Variants in NPVF observed in about 807,000 individuals in gnomAD.
The protein encoded by NPVF is pro-FMRFamide-related neuropeptide VF.
A neutral mutation model predicts 15.7 loss-of-function variants in NPVF; 17 were observed. That is an observed-to-expected ratio of 1.08 (90% CI 0.74 to 1.62). The LOEUF is 1.62. Among genes scored for constraint, NPVF ranks in the 40% most tolerant of loss-of-function variants. The pLI is 0.00. For synonymous variants in NPVF, 70 were observed against 80.1 expected, an observed-to-expected ratio of 0.87 and a Z score of 0.67; for missense variants, 270 against 225.2, an observed-to-expected ratio of 1.20 and a Z score of -1.27.
chr7:25,228,387 C>A lies in NPVF; in HGVS notation c.53G>T (p.Ser18Ile). ...ACAAAAAATGTTTGATGTTAACAAG[C>A]TTGAAGTGGCTAAAGTCAATAAAAT... ...LFILLTLATS[S>I]LLTSNIFCAD... The change falls in exon 1 of 3, where the codon AGC becomes ATC. Residue 18 changes from serine (S) to isoleucine (I), a missense_variant. By Grantham distance (142) the Ser-to-Ile change is moderately radical. Coordinates refer to ENST00000222674, the MANE Select transcript of NPVF (RefSeq NM_022150.3). The A allele has an allele frequency of 6.3e-7, 1 of 1,581,334 alleles. No homozygotes were observed. The highest frequency in any genetic ancestry group is 8.7e-7 in the Non-Finnish European group (1 of 1,151,098).
intron 2 of NPVF, among the ~76,000 whole-genome samples, chr7:25,226,384 T>A (rs113025880): frequency 0.015 from 2,343 of 152,302 alleles, 54 homozygotes; most frequent in African/African-American, 0.054. Flanking sequence ...AGGAGATTGA[T>A]GCTTATATGT....
Position 25,228,446 on chromosome 7 carries a change from TA to T in NPVF, c.-8del. 1 of 1,578,852 alleles carries T rather than the reference TA, an allele frequency of 6.3e-7. No individual in the cohort carries two copies. The highest frequency in any genetic ancestry group is 8.7e-7 in the Non-Finnish European group (1 of 1,153,894). On this transcript the variant is annotated 5_prime_UTR_variant, in exon 1 of 3. Transcript: ENST00000222674. The stretch of plus-strand genomic sequence containing the variant: ...TTGATGAAATAATTTCCATTTTGTC[TA>T]AATCTAAAATTAAGTCTCTATGTGC...
At position 25,225,164 on chromosome 7, in the gene NPVF, T is replaced by C. The variant is rs1783109549; in HGVS notation, c.549A>G (p.Leu183=). ...NPDQKQSRRL[L]FKKIDDAELK... is the part of the protein sequence containing the mutation. ...ATTCTGCATCATCTATTTTCTTGAA[T>C]AGCAGTCTCCTAAAATGTAAGCAGT... The change falls in exon 3 of 3, where the codon CTA becomes CTG. Residue 183 remains leucine (L), a synonymous_variant. Transcript: ENST00000222674. 3 of 1,606,106 alleles carry C rather than the reference T, an allele frequency of 1.9e-6. No individual in the cohort carries two copies. Among genetic ancestry groups the C allele is most frequent in the Non-Finnish European group, 1.7e-6 (2 of 1,173,118 alleles).
In NPVF at chr7:25,228,480, T is replaced by A. The variant is rs768459569; in HGVS notation, c.-41A>T. The A allele has an allele frequency of 8.9e-6, 13 of 1,462,652 alleles. No homozygotes were observed. The South Asian group carries it at 1.5e-4, about 17-fold the overall frequency. 90.6% of individuals were successfully genotyped at this position (1,462,652 alleles called of 1,614,324 possible). A position where few individuals can be genotyped will look rare whatever the true frequency, so the allele number is the denominator to read the frequency against. ...AATTAAGTCTCTATGTGCAGCCCAA[T>A]GTTTATGAGAGGAGAAAAAAATTGT... On this transcript the variant is annotated 5_prime_UTR_variant, in exon 1 of 3. Transcript: ENST00000222674.
intron 2 of NPVF, among the ~76,000 whole-genome samples, chr7:25,226,361 C>A (rs1783128623): frequency 6.6e-6 from 1 of 152,152 alleles, no homozygotes. Context: ...ACTTAGTGAG[C>A]AGCTATAGGA....
Position 25,226,642 on chromosome 7 carries a change from C to G in NPVF, c.523G>C (p.Asp175His), listed in dbSNP as rs554402259. 1.9e-6 allele frequency: 3 copies of G among 1,613,190 alleles called. No homozygotes were observed. In the African/African-American group the frequency reaches 4.0e-5, roughly 22 times the overall value. Reference protein sequence around the residue: ...TCQHQEIQNPDQKQSRRLLFK... With the variant: ...TCQHQEIQNPHQKQSRRLLFK... ...GGTATTTACCTTGACTGTTTTTGAT[C>G]GGGATTCTGGATTTCTTGGTGCTGG... Residue 175 changes from aspartate to histidine, a missense_variant, in exon 2 of 3, where the codon GAT (aspartate) becomes CAT (histidine). Transcript: ENST00000222674.
At position 25,227,772 on chromosome 7, in the gene NPVF, T is replaced by A. The variant is rs150148679; in HGVS notation, c.138+530A>T. ...AATTTTTAAATGATTGTTTTCTGATTATCCCTTGAGTAAAATGAGTATACA... is the reference window on the plus strand; with the variant it reads ...AATTTTTAAATGATTGTTTTCTGATAATCCCTTGAGTAAAATGAGTATACA... On this transcript the variant is annotated intron_variant, in intron 1 of 2. Coordinates refer to ENST00000222674, the MANE Select transcript of NPVF (RefSeq NM_022150.3). 2.9e-3 allele frequency among the ~76,000 whole-genome samples: 447 copies of A among 152,342 alleles called. 2 individuals are homozygous for A. Among genetic ancestry groups the A allele is most frequent in the African/African-American group, 0.011 (439 of 41,570 alleles).
At position 25,224,807 on chromosome 7, in the gene NPVF, A is replaced by T. The variant is rs146193251; in HGVS notation, c.*315T>A. On this transcript the variant is annotated 3_prime_UTR_variant, in exon 3 of 3. Coordinates refer to ENST00000222674, the MANE Select transcript of NPVF (RefSeq NM_022150.3). ...CTCTTCTGTTTAATTTTTTTTATTA[A>T]GTGTAACTGTGCCAATGATTTTTAT... 0.012 allele frequency: 3,040 copies of T among 263,534 alleles called. 100 individuals carry two copies. Among genetic ancestry groups the T allele is most frequent in the African/African-American group, 0.062 (2,822 of 45,358 alleles). 16.3% of individuals were successfully genotyped at this position (263,534 alleles called of 1,614,324 possible).
intron 2 of NPVF, 118 bp from the exon 3 acceptor site, chr7:25,225,291 A>C: frequency 3.9e-6 from 3 of 771,104 alleles, no homozygotes; most frequent in Non-Finnish European, 6.5e-6. Context: ...ATTGTGTTGC[A>C]CTTGAAATGA....
rs1185503690 is a variant in NPVF at position 25,224,875 on chromosome 7, A to G, written c.*247T>C. Reference sequence around the variant, plus strand: ...GTCCTCTGTCTCTCTCTCCATTATCAGAGATTTCTAAAGCATTTGCAATGC... The same window carrying G: ...GTCCTCTGTCTCTCTCTCCATTATCGGAGATTTCTAAAGCATTTGCAATGC... On this transcript the variant is annotated 3_prime_UTR_variant, in exon 3 of 3. Coordinates refer to ENST00000222674, the MANE Select transcript of NPVF (RefSeq NM_022150.3). 1 of 463,912 alleles carries G rather than the reference A, an allele frequency of 2.2e-6. No homozygotes were observed. The highest frequency in any genetic ancestry group is 3.7e-5 in the East Asian group (1 of 27,114). The allele number at this position is 463,912 out of a possible 1,614,324, so 28.7% of individuals were successfully genotyped here.
Position 25,226,980 on chromosome 7 carries a change from A to G in NPVF, c.185T>C (p.Leu62Ser). The G allele has an allele frequency of 6.2e-7, 1 of 1,613,782 alleles. No individual in the cohort carries two copies. The highest frequency in any genetic ancestry group is 8.5e-7 in the Non-Finnish European group (1 of 1,179,820). ...AACATTTTTTGGTCCCCAATCTTTT[A>G]ATTCCTCAAAATTGAGGCTTCTTTC... Reference protein sequence around the residue: ...KGERSLNFEELKDWGPKNVIK... With the variant: ...KGERSLNFEESKDWGPKNVIK... The change falls in exon 2 of 3, where the codon TTA becomes TCA. Residue 62 changes from leucine (L) to serine (S), a missense_variant. Physicochemically the swap from Leu to Ser is moderately radical, Grantham distance 145. Coordinates refer to ENST00000222674, the MANE Select transcript of NPVF (RefSeq NM_022150.3).
chr7:25,226,490 G>T, intron 2 of NPVF, 136 bp downstream of exon 2: 2 of 1,006,074 alleles, frequency 2.0e-6, no homozygotes, highest in Non-Finnish European at 2.9e-6. Flanking sequence ...TTAGTTCCTT[G>T]TGTCTTTGCC....
At chr7:25,226,390 T>C (rs913619810) in intron 2 of NPVF, among the ~76,000 whole-genome samples, 12 of 152,202 alleles carry the variant, frequency 7.9e-5, no homozygotes, top group African/African-American at 2.9e-4. Context: ...TTGATGCTTA[T>C]ATGTGGCTTA....
At chr7:25,227,099 A>G in intron 1 of NPVF, 73 bp from the exon 2 acceptor site, 2 of 1,283,976 alleles carry the variant, frequency 1.6e-6, no homozygotes, top group Non-Finnish European at 2.2e-6. Flanking sequence ...CAATTAACTT[A>G]AATCTAGACT....
chr7:25,227,151 T>C, intron 1 of NPVF, 125 bp from the exon 2 acceptor site: 1 of 832,298 alleles, frequency 1.2e-6, no homozygotes, highest in Non-Finnish European at 1.9e-6. Context: ...AAGTTTGTGT[T>C]CATATGTGCA....
intron 2 of NPVF, 41 bp from the exon 3 acceptor site, chr7:25,225,214 C>T: frequency 2.0e-6 from 3 of 1,483,954 alleles, no homozygotes; most frequent in East Asian, 4.5e-5. Context: ...CCCATCAGAA[C>T]AACAGCATGC....
chr7:25,228,479 A>G lies in NPVF; in HGVS notation c.-40T>C, dbSNP rs1394710854. 12 of 1,482,220 alleles carry G rather than the reference A, an allele frequency of 8.1e-6. No homozygotes were observed. The East Asian group carries it at 2.5e-4, about 31-fold the overall frequency. The allele number at this position is 1,482,220 out of a possible 1,614,324, so 91.8% of individuals were successfully genotyped here. On this transcript the variant is annotated 5_prime_UTR_variant, in exon 1 of 3. Transcript: ENST00000222674. ...AAATTAAGTCTCTATGTGCAGCCCA[A>G]TGTTTATGAGAGGAGAAAAAAATTG...
chr7:25,225,208 T>A (rs891823681), intron 2 of NPVF, 35 bp from the exon 3 acceptor site: 1 of 1,529,800 alleles, frequency 6.5e-7, no homozygotes, highest in Non-Finnish European at 9.0e-7. Context: ...TTGTCACCCA[T>A]CAGAACAACA....
chr7:25,226,597 T>C (rs1462211472), intron 2 of NPVF, 29 bp downstream of exon 2: 5 of 1,604,260 alleles, frequency 3.1e-6, no homozygotes, highest in Non-Finnish European at 4.3e-6. Context: ...TAACTGCCCA[T>C]GCACTTTGAC....
Sources: allele counts gnomAD v4.1 joint callset (sites outside exome capture counted in the v4.1 genomes callset), GRCh38; gene constraint gnomAD v4.1.1; transcripts MANE v1.5; gene names NCBI Gene and HGNC (gene_info 2026-07-23, HGNC 2026-07-21).